Variants in FNBP1 observed in about 807,000 individuals in gnomAD.
FNBP1 encodes the protein formin binding protein 1.
In FNBP1, 26 loss-of-function variants were observed where a neutral mutation model predicts 90.6. The observed-to-expected ratio is 0.29, with a 90% CI of 0.21 to 0.40. The LOEUF (loss-of-function observed/expected upper bound fraction) is 0.40, where lower values mean the gene tolerates loss of function less well. Ranked by LOEUF, FNBP1 falls within the 10% of genes least tolerant of loss-of-function variation. The pLI is 1.00. For missense variants in FNBP1, 635 were observed against 768.0 expected (o/e 0.83, Z 2.05); for synonymous variants, 260 against 265.2 (o/e 0.98, Z 0.19).
intron 6 of FNBP1, among the ~76,000 whole-genome samples, chr9:129,953,013 T>C (rs1004540794): frequency 2.0e-5 from 3 of 152,180 alleles, no homozygotes; most frequent in African/African-American, 4.8e-5. Context: ...TCCTTAATGA[T>C]AGGAATATTT....
chr9:129,909,625 A>AC (rs1192925628), intron 11 of FNBP1, among the ~76,000 whole-genome samples: 10 of 150,844 alleles, frequency 6.6e-5, no homozygotes, highest in African/African-American at 1.5e-4. Flanking sequence ...AAGTCTAGTT[A>AC]CTTTTTTTTT....
chr9:130,026,366 C>A (rs912087652), intron 1 of FNBP1, among the ~76,000 whole-genome samples: 8 of 151,658 alleles, frequency 5.3e-5, no homozygotes, highest in Non-Finnish European at 8.8e-5. Context: ...GGGTGGCATG[C>A]GCCTATAGTC....
chr9:130,046,210 C>G (rs539172707), upstream of FNBP1, among the ~76,000 whole-genome samples: 1 of 152,150 alleles, frequency 6.6e-6, no homozygotes, highest in South Asian at 2.1e-4. Flanking sequence ...ATTAGTACCT[C>G]AAGATGGGAC....
In FNBP1 at chr9:129,925,086, G is replaced by A. The variant is rs372663318; in HGVS notation, c.861C>T (p.Tyr287=). 3.8e-5 allele frequency: 62 copies of A among 1,613,696 alleles called. No individual in the cohort carries two copies. Among genetic ancestry groups the A allele is most frequent in the Non-Finnish European group, 4.9e-5 (58 of 1,179,766 alleles). The change falls in exon 9 of 17, where the codon TAC becomes TAT. Residue 287 remains tyrosine, a synonymous_variant. Coordinates refer to ENST00000446176, the MANE Select transcript of FNBP1 (RefSeq NM_015033.3). ...ACACAGTGCGCTTCATTGGCTGAGT[G>A]TAATCCTCAAATTCAATGTCTCCAG... The part of the protein sequence containing the change: ...EPPGDIEFED[Y]TQPMKRTVSD...
intron 11 of FNBP1, chr9:129,910,219 A>G (rs1005121896): frequency 6.6e-6 from 3 of 455,918 alleles, no homozygotes; most frequent in African/African-American, 2.0e-5. Flanking sequence ...ACGGTGGCTC[A>G]TGCCTGTAAT....
chr9:129,980,151 G>A (rs904164587), intron 2 of FNBP1, among the ~76,000 whole-genome samples: 16 of 151,438 alleles, frequency 1.1e-4, no homozygotes, highest in African/African-American at 3.1e-4. Flanking sequence ...CCTGAGGTTG[G>A]AAGTTCGAGA....
At chr9:129,973,804 CTTCTTTTTTT>C (rs897549402) in intron 4 of FNBP1, among the ~76,000 whole-genome samples, 15 of 136,054 alleles carry the variant, frequency 1.1e-4, no homozygotes, top group Non-Finnish European at 2.2e-4. Flanking sequence ...CGCCTGGCCT[CTTCTTTTTTT>C]TTCTTTTTTT....
chr9:129,890,259 ACCG>A lies in FNBP1; in HGVS notation c.*277_*279del. The A allele has an allele frequency of 1.9e-6, 1 of 516,294 alleles. No individual in the cohort carries two copies. The highest frequency in any genetic ancestry group is 3.4e-6 in the Non-Finnish European group (1 of 291,028). The allele number at this position is 516,294 out of a possible 1,614,324, so 32.0% of individuals were successfully genotyped here. On this transcript the variant is annotated 3_prime_UTR_variant, in exon 17 of 17. Transcript: ENST00000446176. This position sits in a 1 kb window ranked among gnomAD's most constrained non-coding sequence, Gnocchi z 5.8. Reference sequence around the variant, plus strand: ...AGGAGCAGGTAGGGGCGTGTGTCCCACCGTCTCAGTGGCCTGCGCGGGGTGGGG... The same window carrying A: ...AGGAGCAGGTAGGGGCGTGTGTCCCATCTCAGTGGCCTGCGCGGGGTGGGG...
At chr9:129,970,659 A>G (rs1174941924) in intron 4 of FNBP1, among the ~76,000 whole-genome samples, 3 of 152,148 alleles carry the variant, frequency 2.0e-5, no homozygotes, top group Non-Finnish European at 4.4e-5. Context: ...CTGGCCACTG[A>G]TTCCATTATG....
chr9:129,945,824 ACTTT>A (rs1245530929), intron 6 of FNBP1, among the ~76,000 whole-genome samples: 6 of 152,188 alleles, frequency 3.9e-5, no homozygotes, highest in Non-Finnish European at 8.8e-5. Flanking sequence ...CCTATCTATA[ACTTT>A]CTTTTTCTCT....
intron 10 of FNBP1, among the ~76,000 whole-genome samples, chr9:129,922,024 A>G (rs1341774940): frequency 6.6e-6 from 1 of 151,838 alleles, no homozygotes; most frequent in Non-Finnish European, 1.5e-5. Context: ...AAAGCATTCC[A>G]CTACAACTGT....
At chr9:130,006,276 C>T (rs189601280) in intron 1 of FNBP1, among the ~76,000 whole-genome samples, 1 of 152,160 alleles carries the variant, frequency 6.6e-6, no homozygotes, top group East Asian at 1.9e-4. Context: ...AACCCCGTCT[C>T]TACTAAAAAT....
At chr9:129,919,309 C>G in intron 10 of FNBP1, 2 of 740,932 alleles carry the variant, frequency 2.7e-6, no homozygotes, top group Middle Eastern at 3.2e-4. Context: ...TAACATATGA[C>G]AAACAACTGG....
At chr9:129,913,643 C>A (rs955435154) in intron 11 of FNBP1, among the ~76,000 whole-genome samples, 3 of 151,882 alleles carry the variant, frequency 2.0e-5, no homozygotes, top group Admixed American at 1.3e-4. Flanking sequence ...TGGTGGCGCG[C>A]CCCTATAATC....
chr9:129,998,514 CAAA>C (rs201736097), intron 1 of FNBP1, among the ~76,000 whole-genome samples: 4 of 138,702 alleles, frequency 2.9e-5, no homozygotes, highest in Non-Finnish European at 6.2e-5. Flanking sequence ...AACTCCACCT[CAAA>C]AAAAAAAAAA....
At chr9:129,948,803 A>G (rs2132544784) in intron 6 of FNBP1, among the ~76,000 whole-genome samples, 1 of 152,224 alleles carries the variant, frequency 6.6e-6, no homozygotes, top group East Asian at 1.9e-4. Flanking sequence ...AGCCTCTCAA[A>G]GTGCTGGGAT....
chr9:129,898,483 A>G (rs557396474), intron 15 of FNBP1, among the ~76,000 whole-genome samples: 159 of 147,836 alleles, frequency 1.1e-3, no homozygotes, highest in Non-Finnish European at 1.9e-3. Context: ...TCTGGCAAAC[A>G]CTGCAAACTG....
At chr9:129,905,294 G>GTGTATATATATATATATA (rs374989661) in intron 12 of FNBP1, among the ~76,000 whole-genome samples, 26 of 132,346 alleles carry the variant, frequency 2.0e-4, no homozygotes, top group East Asian at 1.1e-3. Flanking sequence ...GTGTGTGTGT[G>GTGTATATATATATATATA]TATATATATA....
At position 129,924,946 on chromosome 9, in the gene FNBP1, C is replaced by T; in HGVS notation, c.987+14G>A. Reference sequence around the variant, plus strand: ...CACACCTTAGAAAACTCATTTCACGCCAACCATCAGTACCTTATTTTTTTT... The same window carrying T: ...CACACCTTAGAAAACTCATTTCACGTCAACCATCAGTACCTTATTTTTTTT... On this transcript the variant is annotated intron_variant, in intron 9 of 16. Coordinates refer to ENST00000446176, the MANE Select transcript of FNBP1 (RefSeq NM_015033.3). The T allele has an allele frequency of 6.2e-7, 1 of 1,600,090 alleles. No individual in the cohort carries two copies. The highest frequency in any genetic ancestry group is 8.5e-7 in the Non-Finnish European group (1 of 1,172,430).
Sources: allele counts gnomAD v4.1 joint callset (sites outside exome capture counted in the v4.1 genomes callset), GRCh38; gene constraint gnomAD v4.1.1; non-coding constraint Gnocchi (gnomAD v3.1); transcripts MANE v1.5; gene names NCBI Gene and HGNC (gene_info 2026-07-23, HGNC 2026-07-21).